Variants in RNGTT observed in about 807,000 individuals in gnomAD.
RNGTT encodes the protein RNA guanylyltransferase and 5'-phosphatase, also known as mRNA-capping enzyme.
In RNGTT, 33 loss-of-function variants were observed where a neutral mutation model predicts 79.3. That is an observed-to-expected ratio of 0.42 (90% CI 0.32 to 0.56). The LOEUF (loss-of-function observed/expected upper bound fraction) is 0.56, where lower values mean the gene tolerates loss of function less well. Ranked by LOEUF, RNGTT falls within the 20% of genes least tolerant of loss-of-function variation. The pLI is 0.17. For synonymous variants in RNGTT, 222 were observed against 235.9 expected (o/e 0.94, Z 0.54); for missense variants, 497 against 739.1 (o/e 0.67, Z 3.80).
At chr6:88,961,948 A>T (rs1785642301) in intron 1 of RNGTT, among the ~76,000 whole-genome samples, 2 of 152,264 alleles carry the variant, frequency 1.3e-5, no homozygotes, top group African/African-American at 4.8e-5. Flanking sequence ...TATACCCAGA[A>T]CAATAAACTA....
At position 88,610,248 on chromosome 6, in the gene RNGTT, A is replaced by G. The variant is rs2127843326; in HGVS notation, c.*2471T>C. On this transcript the variant is annotated 3_prime_UTR_variant, in exon 16 of 16. Coordinates refer to ENST00000369485, the MANE Select transcript of RNGTT (RefSeq NM_003800.5). ...GAAGGGACACAAGAGTATCACCAGTAAAACAAAGTAGATACACTTATGCTA... is the reference window on the plus strand; with the variant it reads ...GAAGGGACACAAGAGTATCACCAGTGAAACAAAGTAGATACACTTATGCTA... The G allele has an allele frequency of 6.5e-6, 1 of 152,788 alleles. No homozygotes were observed. Among genetic ancestry groups the G allele is most frequent in the Middle Eastern group, 3.4e-3 (1 of 294 alleles). 9.5% of individuals were successfully genotyped at this position (152,788 alleles called of 1,614,324 possible). A position where few individuals can be genotyped will look rare whatever the true frequency, so the allele number is the denominator to read the frequency against.
At chr6:88,814,067 G>A (rs1780231788) in intron 11 of RNGTT, among the ~76,000 whole-genome samples, 1 of 140,670 alleles carries the variant, frequency 7.1e-6, no homozygotes, top group South Asian at 2.3e-4. Flanking sequence ...AAAATACATA[G>A]GCTGTATTAT....
intron 4 of RNGTT, among the ~76,000 whole-genome samples, chr6:88,907,266 G>A (rs1432198796): frequency 6.6e-6 from 1 of 152,204 alleles, no homozygotes; most frequent in Non-Finnish European, 1.5e-5. Context: ...ATGAGGGAGA[G>A]ATCTGGTGGG....
At chr6:88,827,576 G>A (rs936725747) in intron 11 of RNGTT, among the ~76,000 whole-genome samples, 3 of 152,218 alleles carry the variant, frequency 2.0e-5, no homozygotes, top group Admixed American at 2.0e-4. Flanking sequence ...GCTGAAGCCA[G>A]GGAGCCAAGT....
At chr6:88,631,522 T>C (rs532514776) in intron 14 of RNGTT, among the ~76,000 whole-genome samples, 1 of 152,300 alleles carries the variant, frequency 6.6e-6, no homozygotes, top group Non-Finnish European at 1.5e-5. Context: ...TAAATGGAAA[T>C]GAATAAAGGC....
intron 13 of RNGTT, among the ~76,000 whole-genome samples, chr6:88,719,025 C>G (rs765571742): frequency 1.2e-4 from 18 of 152,108 alleles, no homozygotes; most frequent in Admixed American, 2.6e-4. Flanking sequence ...AAAGCAGTTT[C>G]AAGCCTAATG....
At chr6:88,930,370 T>A (rs371330120) in intron 2 of RNGTT, among the ~76,000 whole-genome samples, 2 of 151,796 alleles carry the variant, frequency 1.3e-5, no homozygotes, top group East Asian at 1.9e-4. Context: ...ATTAAGAAGA[T>A]GGTAGTACGG....
chr6:88,699,513 G>A (rs997428067), intron 13 of RNGTT, among the ~76,000 whole-genome samples: 9 of 151,912 alleles, frequency 5.9e-5, no homozygotes, highest in Non-Finnish European at 1.2e-4. Flanking sequence ...GTGAGACCTC[G>A]TCTCTACAAA....
chr6:88,615,650 T>C (rs1051298875), intron 14 of RNGTT, among the ~76,000 whole-genome samples: 5 of 152,220 alleles, frequency 3.3e-5, no homozygotes, highest in African/African-American at 1.2e-4. Flanking sequence ...CTCATTCAGT[T>C]AGGTAAACAC....
At chr6:88,952,707 G>C (rs1431829324) in intron 1 of RNGTT, among the ~76,000 whole-genome samples, 1 of 152,212 alleles carries the variant, frequency 6.6e-6, no homozygotes, top group African/African-American at 2.4e-5. Context: ...CTCTCACAGA[G>C]TCTACTTACT....
intron 13 of RNGTT, among the ~76,000 whole-genome samples, chr6:88,764,181 G>A (rs1304602325): frequency 6.6e-6 from 1 of 152,180 alleles, no homozygotes; most frequent in Non-Finnish European, 1.5e-5. Flanking sequence ...GACGCTTCCT[G>A]CAGTGCTTGC....
At chr6:88,659,098 G>T (rs1198486497) in intron 14 of RNGTT, among the ~76,000 whole-genome samples, 1 of 152,116 alleles carries the variant, frequency 6.6e-6, no homozygotes, top group Non-Finnish European at 1.5e-5. Flanking sequence ...ACATACAGGG[G>T]GAGAGCAACA....
At chr6:88,698,508 A>G (rs1775833847) in intron 13 of RNGTT, among the ~76,000 whole-genome samples, 1 of 151,314 alleles carries the variant, frequency 6.6e-6, no homozygotes. Flanking sequence ...CAAACAGAGT[A>G]ACTACTGGCT....
intron 14 of RNGTT, among the ~76,000 whole-genome samples, chr6:88,623,311 A>G (rs1257764107): frequency 1.3e-5 from 2 of 152,080 alleles, no homozygotes; most frequent in Non-Finnish European, 2.9e-5. Flanking sequence ...ACTCATTTCC[A>G]AGCTCTTCTT....
chr6:88,811,695 A>G (rs1780144481), intron 11 of RNGTT, among the ~76,000 whole-genome samples: 1 of 152,206 alleles, frequency 6.6e-6, no homozygotes, highest in African/African-American at 2.4e-5. Flanking sequence ...CGAATTGGCA[A>G]TATCAATTCA....
At chr6:88,643,613 C>G (rs1773411279) in intron 14 of RNGTT, among the ~76,000 whole-genome samples, 5 of 152,178 alleles carry the variant, frequency 3.3e-5, no homozygotes, top group Admixed American at 3.3e-4. Context: ...TAAAGCACTC[C>G]TCAGCAAATG....
At chr6:88,624,800 A>T (rs1387925908) in intron 14 of RNGTT, among the ~76,000 whole-genome samples, 1 of 151,946 alleles carries the variant, frequency 6.6e-6, no homozygotes. Flanking sequence ...ATAGATTATA[A>T]TAAAATATTT....
chr6:88,849,413 T>TTTATTTTG (rs1487830282), intron 10 of RNGTT, among the ~76,000 whole-genome samples: 1 of 151,968 alleles, frequency 6.6e-6, no homozygotes, highest in African/African-American at 2.4e-5. Context: ...TTGTTGCTGT[T>TTTATTTTG]TTGGTGACAG....
At chr6:88,709,796 C>T (rs1266680442) in intron 13 of RNGTT, among the ~76,000 whole-genome samples, 46 of 152,138 alleles carry the variant, frequency 3.0e-4, no homozygotes, top group Admixed American at 3.0e-3. Context: ...TTAGTGGCTA[C>T]CATATTGGAA....
Sources: allele counts gnomAD v4.1 joint callset (sites outside exome capture counted in the v4.1 genomes callset), GRCh38; gene constraint gnomAD v4.1.1; transcripts MANE v1.5; gene names NCBI Gene and HGNC (gene_info 2026-07-23, HGNC 2026-07-21).